The following TTLL9 variants were observed in gnomAD, a reference collection of about 807,000 sequenced individuals.
The protein encoded by TTLL9 is tubulin tyrosine ligase like 9.
Under a neutral mutation model 65.6 loss-of-function variants are expected in TTLL9, and 47 were observed. The ratio of observed to expected loss-of-function variants is 0.72; its 90% CI spans 0.57 to 0.91. TTLL9 has a LOEUF of 0.91. Among genes scored for constraint, TTLL9 ranks in the 40% least tolerant of loss-of-function variants. The pLI, the probability that TTLL9 is intolerant of heterozygous loss-of-function variation, is 0.00. For missense variants in TTLL9, 537 were observed against 568.8 expected (o/e 0.94, Z 0.57); for synonymous variants, 179 against 204.8 (o/e 0.87, Z 1.07).
intron 7 of TTLL9, among the ~76,000 whole-genome samples, chr20:31,920,229 G>GCA (rs3046855): frequency 0.23 from 34,187 of 150,370 alleles, 4,088 homozygotes; most frequent in African/African-American, 0.28. Flanking sequence ...GCAAACACGC[G>GCA]CACACACACA....
chr20:31,939,434 C>A, intron 14 of TTLL9, 168 bp downstream of exon 14: 1 of 705,362 alleles, frequency 1.4e-6, no homozygotes, highest in Non-Finnish European at 2.1e-6. Context: ...CGTTTTTAAA[C>A]TTGGTTTCTA....
intron 10 of TTLL9, among the ~76,000 whole-genome samples, chr20:31,931,298 C>G (rs570130776): frequency 1.3e-4 from 20 of 152,038 alleles, no homozygotes; most frequent in African/African-American, 4.8e-4. Context: ...AGGCTGGTCT[C>G]AAACTCCTGG....
chr20:31,890,017 TC>T (rs2063269890), intron 3 of TTLL9, among the ~76,000 whole-genome samples: 21 of 143,616 alleles, frequency 1.5e-4, no homozygotes, highest in Admixed American at 1.4e-3. Flanking sequence ...TTTCTTTCTT[TC>T]TTTCTTTCTT....
At chr20:31,927,029 C>G (rs2063917191) in intron 10 of TTLL9, among the ~76,000 whole-genome samples, 1 of 151,874 alleles carries the variant, frequency 6.6e-6, no homozygotes, top group Non-Finnish European at 1.5e-5. Context: ...GTGGGAGGAT[C>G]ACTTGAGCCC....
intron 3 of TTLL9, among the ~76,000 whole-genome samples, chr20:31,890,146 CTTCCTTCCTTCTTTCT>C (rs1161654447): frequency 7.4e-4 from 14 of 18,952 alleles, no homozygotes; most frequent in South Asian, 3.3e-3. Context: ...TCCTTCCTTC[CTTCCTTCCTTCTTTCT>C]TTCTTTCTTT....
At position 31,901,839 on chromosome 20, in the gene TTLL9, C is replaced by T. The variant is rs536687791; in HGVS notation, c.206+3274C>T. ...TCATGGCCTCTACTGGATCACGTGG[C>T]GGCTCACTTCACAATTCTTTATTAT... On this transcript the variant is annotated intron_variant, in intron 4 of 14. Coordinates refer to ENST00000535842, the MANE Select transcript of TTLL9 (RefSeq NM_001008409.5). 5.6e-4 allele frequency among the ~76,000 whole-genome samples: 85 copies of T among 152,254 alleles called. 3 individuals carry two copies. In the South Asian group the frequency reaches 0.016, roughly 29 times the overall value.
At chr20:31,879,829 A>G (rs2063084582) in intron 2 of TTLL9, 3 of 1,549,288 alleles carry the variant, frequency 1.9e-6, no homozygotes, top group African/African-American at 1.4e-5. Flanking sequence ...CGGGACGCAT[A>G]AGCACGCGAG....
intron 3 of TTLL9, among the ~76,000 whole-genome samples, chr20:31,887,860 T>TCTCTTCTCTTCTCTTCTCTTCTCTC (rs2063217360): frequency 6.2e-5 from 8 of 130,004 alleles, no homozygotes; most frequent in African/African-American, 2.5e-4. Context: ...CCTCTCCTCT[T>TCTCTTCTCTTCTCTTCTCTTCTCTC]CTCTTCTCTT....
At chr20:31,902,533 T>C (rs2063493864) in intron 4 of TTLL9, among the ~76,000 whole-genome samples, 1 of 152,098 alleles carries the variant, frequency 6.6e-6, no homozygotes, top group African/African-American at 2.4e-5. Context: ...TTCCCTTTTA[T>C]GACTGAATAA....
chr20:31,930,377 A>G (rs992457927), intron 10 of TTLL9, among the ~76,000 whole-genome samples: 8 of 152,204 alleles, frequency 5.3e-5, no homozygotes, highest in African/African-American at 1.9e-4. Flanking sequence ...TTGCCTTAGA[A>G]TTAGCATTTC....
chr20:31,937,305 G>C (rs139466913), intron 12 of TTLL9, 91 bp from the exon 13 acceptor site: 1 of 778,424 alleles, frequency 1.3e-6, no homozygotes, highest in East Asian at 2.5e-5. Flanking sequence ...ATTGACGGTG[G>C]GGTCCATGCA....
In TTLL9 at chr20:31,942,956, G is replaced by A. The variant is rs867356805; in HGVS notation, c.1255G>A (p.Asp419Asn). 15 of 1,613,948 alleles carry A rather than the reference G, an allele frequency of 9.3e-6. No individual in the cohort carries two copies. The highest frequency in any genetic ancestry group is 1.1e-5 in the Non-Finnish European group (13 of 1,180,018). Reference sequence around the variant, plus strand: ...CACTTCCTTTCCAGGCTGCGTCAACGATCGGAAGAAACAACTGAGGCAGCT... The same window carrying A: ...CACTTCCTTTCCAGGCTGCGTCAACAATCGGAAGAAACAACTGAGGCAGCT... The part of the protein sequence containing the change: ...VTNTHLGCVN[D>N]RKKQLRQLFC... Residue 419 changes from aspartate to asparagine, a missense_variant, in exon 15 of 15, where the codon GAT becomes AAT. This residue lies in a region of TTLL9 where 205 missense variants were observed against 225.9 expected (regional missense o/e 0.91). Transcript: ENST00000535842.
At chr20:31,903,609 T>C (rs987178002) in intron 4 of TTLL9, among the ~76,000 whole-genome samples, 2 of 152,216 alleles carry the variant, frequency 1.3e-5, no homozygotes, top group Admixed American at 6.5e-5. Flanking sequence ...TAGTTTTAGC[T>C]CTTACATCTA....
chr20:31,879,808 C>T, intron 2 of TTLL9: 1 of 1,547,358 alleles, frequency 6.5e-7, no homozygotes, highest in Non-Finnish European at 8.7e-7. Flanking sequence ...GCCTGTCTGT[C>T]GCCTTGGCAA....
rs773203476 is a variant in TTLL9, at chr20:31,887,238, C to G, written c.112C>G (p.Arg38Gly). The change falls in exon 3 of 15, where the codon CGA becomes GGA. Residue 38 changes from arginine to glycine, a missense_variant and splice_region_variant. This residue lies in a region of TTLL9 where 320 missense variants were observed against 311.0 expected (regional missense o/e 1.03). Coordinates refer to ENST00000535842, the MANE Select transcript of TTLL9 (RefSeq NM_001008409.5). ...CCATGGATTGTCAAAGGGAAAAGAG[C>G]GGTGAGTGGTCCCATCCAATCCAAC... The part of the protein sequence containing the change: ...KGHGLSKGKE[R>G]EQRASIRFKT... 3 of 1,614,114 alleles carry G rather than the reference C, an allele frequency of 1.9e-6. No homozygotes were observed. In the Admixed American group the frequency reaches 5.0e-5, roughly 27 times the overall value.
Position 31,943,918 on chromosome 20 carries a change from A to C in TTLL9, c.*897A>C, listed in dbSNP as rs2064268450. ...TTGGTTTAAGAGGGGTTGCAACAAG[A>C]CTCGGGGCTGTTGGGGTAACTGTTC... On this transcript the variant is annotated 3_prime_UTR_variant, in exon 15 of 15. Coordinates refer to ENST00000535842, the MANE Select transcript of TTLL9 (RefSeq NM_001008409.5). 2.3e-6 allele frequency: 1 copy of C among 439,748 alleles called. No individual in the cohort carries two copies. The highest frequency in any genetic ancestry group is 4.6e-6 in the Non-Finnish European group (1 of 217,920). 27.2% of individuals were successfully genotyped at this position (439,748 alleles called of 1,614,324 possible). A position where few individuals can be genotyped will look rare whatever the true frequency, so the allele number is the denominator to read the frequency against.
At chr20:31,882,167 C>T (rs10485497) in intron 2 of TTLL9, among the ~76,000 whole-genome samples, 18,764 of 152,128 alleles carry the variant, frequency 0.12, 1,394 homozygotes, top group Middle Eastern at 0.23. Flanking sequence ...CAGAATACCG[C>T]GTGTTCCAAC....
chr20:31,889,287 A>G (rs1214528890), intron 3 of TTLL9, among the ~76,000 whole-genome samples: 1 of 148,176 alleles, frequency 6.7e-6, no homozygotes, highest in Admixed American at 6.6e-5. Flanking sequence ...TTTTTTTGAG[A>G]CGGAGTCTCA....
At chr20:31,916,783 T>C (rs2063740743) in intron 6 of TTLL9, among the ~76,000 whole-genome samples, 1 of 152,216 alleles carries the variant, frequency 6.6e-6, no homozygotes, top group Non-Finnish European at 1.5e-5. Context: ...GGGATATTTC[T>C]TCCCGATCCC....
Sources: allele counts gnomAD v4.1 joint callset (sites outside exome capture counted in the v4.1 genomes callset), GRCh38; gene constraint gnomAD v4.1.1; regional missense constraint gnomAD v4.1.1; transcripts MANE v1.5; gene names NCBI Gene and HGNC (gene_info 2026-07-23, HGNC 2026-07-21).